KIZ: variants seen among roughly 807,000 people sequenced by gnomAD.
KIZ encodes kizuna centrosomal protein, also known as centrosomal protein kizuna.
In KIZ, 68 loss-of-function variants were observed where a neutral mutation model predicts 79.6. The observed-to-expected ratio is 0.85, with a 90% CI of 0.70 to 1.05. KIZ has a LOEUF of 1.05. Among genes scored for constraint, KIZ ranks in the 50% least tolerant of loss-of-function variants. The probability of loss-of-function intolerance (pLI) is 0.00; values close to 1 mark genes in which losing one functional copy is unlikely to be tolerated. For missense variants in KIZ, 797 were observed against 800.4 expected (o/e 1.00, Z 0.05); for synonymous variants, 280 against 281.8 (o/e 0.99, Z 0.06).
At chr20:21,192,468 A>G (rs2035154227) in intron 6 of KIZ, among the ~76,000 whole-genome samples, 1 of 151,816 alleles carries the variant, frequency 6.6e-6, no homozygotes, top group Admixed American at 6.6e-5. Context: ...TTGAAATACA[A>G]TTTCCTTCCC....
chr20:21,142,037 AC>A (rs2032574978), intron 3 of KIZ, among the ~76,000 whole-genome samples: 1 of 140,488 alleles, frequency 7.1e-6, no homozygotes, highest in Non-Finnish European at 1.5e-5. Context: ...TAACTCTTCC[AC>A]CCCCATATCT....
chr20:21,243,355 G>C (rs2037282037), intron 11 of KIZ, among the ~76,000 whole-genome samples: 2 of 151,876 alleles, frequency 1.3e-5, no homozygotes, highest in South Asian at 4.2e-4. Flanking sequence ...TAAGCCAAAA[G>C]TCAACCACAC....
intron 3 of KIZ, among the ~76,000 whole-genome samples, chr20:21,142,907 T>A (rs971718624): frequency 5.3e-5 from 8 of 152,200 alleles, no homozygotes; most frequent in Non-Finnish European, 1.2e-4. Flanking sequence ...TCTTTTGAAC[T>A]CTGATTTGGT....
chr20:21,246,539 A>G lies in KIZ; in HGVS notation c.1985A>G (p.Asn662Ser). 6.2e-7 allele frequency: 1 copy of G among 1,611,024 alleles called. No individual in the cohort carries two copies. Among genetic ancestry groups the G allele is most frequent in the Non-Finnish European group, 8.5e-7 (1 of 1,177,310 alleles). ...SEIEAALRPR[N>S]HNTDDSDDFY... The stretch of plus-strand genomic sequence containing the variant: ...ATTGAGGCTGCTTTACGCCCCAGAA[A>G]CCATAACACCGATGATTCTGATGAT... Residue 662 changes from asparagine (N) to serine (S), a missense_variant, in exon 13 of 13, where the codon AAC (asparagine) becomes AGC (serine). By Grantham distance (46) the Asn-to-Ser change is conservative. Coordinates refer to ENST00000619189, the MANE Select transcript of KIZ (RefSeq NM_018474.6).
chr20:21,158,523 A>T (rs963062519), intron 4 of KIZ: 1 of 152,264 alleles, frequency 6.6e-6, no homozygotes, highest in Non-Finnish European at 1.5e-5. Context: ...AAATTATGGT[A>T]CATCTATAGA....
chr20:21,229,305 T>C (rs996960078), intron 10 of KIZ, among the ~76,000 whole-genome samples, 190 bp downstream of exon 10: 10 of 152,260 alleles, frequency 6.6e-5, no homozygotes, highest in Non-Finnish European at 1.3e-4. Flanking sequence ...TGTTGTGTCC[T>C]AGACATGTGC....
chr20:21,137,089 G>A (rs2032234564), intron 3 of KIZ, among the ~76,000 whole-genome samples: 1 of 152,220 alleles, frequency 6.6e-6, no homozygotes, highest in African/African-American at 2.4e-5. Flanking sequence ...TCTAGAAACT[G>A]ATTCTGTCTT....
chr20:21,166,776 A>G (rs1358164055), intron 6 of KIZ, among the ~76,000 whole-genome samples: 1 of 152,048 alleles, frequency 6.6e-6, no homozygotes, highest in African/African-American at 2.4e-5. Flanking sequence ...TATTTTTAGT[A>G]GAGACCCGGT....
Position 21,232,821 on chromosome 20 carries a change from C to T in KIZ, c.1871C>T (p.Pro624Leu), listed in dbSNP as rs6047317. Reference protein sequence around the residue: ...EASFSSSEGSPLSRHENKKKP... With the variant: ...EASFSSSEGSLLSRHENKKKP... ...AGTTTTTCATCTAGTGAAGGAAGTC[C>T]TTTGTCAAGGTAAAGTTGTGAAAGC... The change falls in exon 11 of 13, where the codon CCT (proline) becomes CTT (leucine). Residue 624 changes from proline to leucine, a missense_variant. By Grantham distance (98) the Pro-to-Leu change is moderately conservative. Coordinates refer to ENST00000619189, the MANE Select transcript of KIZ (RefSeq NM_018474.6). The T allele has an allele frequency of 1.3e-6, 2 of 1,514,766 alleles. No homozygotes were observed. Among genetic ancestry groups the T allele is most frequent in the Non-Finnish European group, 1.8e-6 (2 of 1,099,976 alleles). The allele number at this position is 1,514,766 out of a possible 1,614,324, so 93.8% of individuals were successfully genotyped here. A position where few individuals can be genotyped will look rare whatever the true frequency, so the allele number is the denominator to read the frequency against.
intron 6 of KIZ, among the ~76,000 whole-genome samples, chr20:21,183,391 T>C (rs1437274092): frequency 6.6e-6 from 1 of 152,226 alleles, no homozygotes; most frequent in Non-Finnish European, 1.5e-5. Context: ...ATGTGAGTCA[T>C]ATCTCAGTAG....
chr20:21,228,206 T>C (rs555475607), intron 9 of KIZ, among the ~76,000 whole-genome samples: 1 of 152,270 alleles, frequency 6.6e-6, no homozygotes, highest in East Asian at 1.9e-4. Flanking sequence ...GATGCAGACA[T>C]GGATGCTGTT....
At chr20:21,179,011 G>A (rs2034542976) in intron 6 of KIZ, among the ~76,000 whole-genome samples, 3 of 152,000 alleles carry the variant, frequency 2.0e-5, no homozygotes, top group Admixed American at 2.0e-4. Flanking sequence ...TATTCATTAG[G>A]CATATTGGTC....
At chr20:21,239,984 C>T (rs2123498483) in intron 11 of KIZ, among the ~76,000 whole-genome samples, 1 of 152,244 alleles carries the variant, frequency 6.6e-6, no homozygotes, top group Non-Finnish European at 1.5e-5. Context: ...GAAGTCAGTA[C>T]AGCAGAATGG....
intron 10 of KIZ, among the ~76,000 whole-genome samples, chr20:21,231,355 T>C (rs1164048653): frequency 6.6e-6 from 1 of 152,108 alleles, no homozygotes; most frequent in East Asian, 1.9e-4. Flanking sequence ...ATGAGTAAAT[T>C]TGACATATAA....
At chr20:21,219,039 G>A (rs79331320) in intron 9 of KIZ, among the ~76,000 whole-genome samples, 1,913 of 152,304 alleles carry the variant, frequency 0.013, 29 homozygotes, top group African/African-American at 0.044. Flanking sequence ...AGACGTGGCT[G>A]AGGTGAAATC....
chr20:21,205,505 C>A lies in KIZ; in HGVS notation c.1367C>A (p.Pro456Gln). 1 of 1,505,994 alleles carries A rather than the reference C, an allele frequency of 6.6e-7. No homozygotes were observed. Among genetic ancestry groups the A allele is most frequent in the Non-Finnish European group, 9.1e-7 (1 of 1,094,360 alleles). 93.3% of individuals were successfully genotyped at this position (1,505,994 alleles called of 1,614,324 possible). Residue 456 changes from proline to glutamine, a missense_variant, in exon 7 of 13, where the codon CCA becomes CAA. Pro to Gln is a moderately conservative substitution (Grantham distance 76). Coordinates refer to ENST00000619189, the MANE Select transcript of KIZ (RefSeq NM_018474.6). ...NAPTREPGQT[P>Q]DSDVPRAQVG... ...CTGTTTTATAGACCTGGACAAACACCAGACTCAGACGTACCGAGGGCACAG... is the reference window on the plus strand; with the variant it reads ...CTGTTTTATAGACCTGGACAAACACAAGACTCAGACGTACCGAGGGCACAG...
At chr20:21,198,055 T>C (rs2035423553) in intron 6 of KIZ, 1 of 152,278 alleles carries the variant, frequency 6.6e-6, no homozygotes, top group East Asian at 1.9e-4. Context: ...CTCTTATTAA[T>C]TTTTTATTTT....
chr20:21,177,942 C>T (rs1197415335), intron 6 of KIZ, among the ~76,000 whole-genome samples: 1 of 152,032 alleles, frequency 6.6e-6, no homozygotes, highest in Non-Finnish European at 1.5e-5. Flanking sequence ...GTCTATATGT[C>T]TGTCTTTATG....
At chr20:21,177,620 G>A (rs1332883907) in intron 6 of KIZ, among the ~76,000 whole-genome samples, 1 of 152,056 alleles carries the variant, frequency 6.6e-6, no homozygotes, top group African/African-American at 2.4e-5. Context: ...TTTGTTGCCT[G>A]TGCTTTTGGT....
Sources: gnomAD v4.1 joint callset for allele counts (sites outside exome capture counted in the v4.1 genomes callset) on GRCh38, gnomAD v4.1.1 for gene constraint, MANE v1.5 for transcripts, NCBI Gene and HGNC (gene_info 2026-07-23, HGNC 2026-07-21) for gene names.